The following TUBD1 variants were observed in gnomAD, a reference collection of about 807,000 sequenced individuals.
The protein encoded by TUBD1 is tubulin delta 1.
Under a neutral mutation model 51.2 loss-of-function variants are expected in TUBD1, and 38 were observed. That is an observed-to-expected ratio of 0.74 (90% confidence interval 0.57 to 0.97). TUBD1 has a LOEUF of 0.97. Among genes scored for constraint, TUBD1 ranks in the 50% least tolerant of loss-of-function variants. TUBD1 has a pLI of 0.00. For missense variants in TUBD1, 489 were observed against 538.4 expected, an observed-to-expected ratio of 0.91 and a Z score of 0.91; for synonymous variants, 169 against 178.2, an observed-to-expected ratio of 0.95 and a Z score of 0.41.
rs1199633739 is a variant in TUBD1, at chr17:59,859,954, A to G, written c.*368T>C. The stretch of plus-strand genomic sequence containing the variant: ...TTTCTTCCTTTTCTGTGGGCATAGT[A>G]TGCAGAATAGACTCAGCATTCTACG... On this transcript the variant is annotated 3_prime_UTR_variant, in exon 9 of 9. Coordinates refer to ENST00000325752, the MANE Select transcript of TUBD1 (RefSeq NM_016261.4). The G allele has an allele frequency of 6.5e-6, 1 of 154,564 alleles. No homozygotes were observed. The highest frequency in any genetic ancestry group is 1.9e-4 in the East Asian group (1 of 5,364). The allele number at this position is 154,564 out of a possible 1,614,324, so 9.6% of individuals were successfully genotyped here. A position where few individuals can be genotyped will look rare whatever the true frequency, so the allele number is the denominator to read the frequency against.
chr17:59,874,402 T>A (rs2040133605), intron 6 of TUBD1, 137 bp downstream of exon 6: 1 of 732,874 alleles, frequency 1.4e-6, no homozygotes, highest in Non-Finnish European at 2.2e-6. Flanking sequence ...TAAGATGTCC[T>A]GGTGAGTTTC....
At chr17:59,882,489 G>C (rs1263642928) in intron 3 of TUBD1, among the ~76,000 whole-genome samples, 1 of 152,032 alleles carries the variant, frequency 6.6e-6, no homozygotes, top group Admixed American at 6.6e-5. Flanking sequence ...GTTTCACCAT[G>C]TTGGCCAGGC....
intron 3 of TUBD1, chr17:59,885,605 A>G: frequency 1.0e-6 from 1 of 980,344 alleles, no homozygotes; most frequent in Admixed American, 2.0e-5. Flanking sequence ...CCTCATTCCT[A>G]GAAATTTAAC....
At chr17:59,872,567 AAAG>A (rs2040028744) in intron 6 of TUBD1, among the ~76,000 whole-genome samples, 1 of 152,162 alleles carries the variant, frequency 6.6e-6, no homozygotes, top group African/African-American at 2.4e-5. Context: ...TTAGATAGCA[AAAG>A]TAGTACAAAC....
intron 8 of TUBD1, among the ~76,000 whole-genome samples, chr17:59,863,064 A>G (rs1047175735): frequency 1.3e-5 from 2 of 152,096 alleles, no homozygotes; most frequent in South Asian, 2.1e-4. Context: ...TCCCTGCTTC[A>G]TAATAAAATT....
Position 59,860,309 on chromosome 17 carries a change from C to T in TUBD1, c.*13G>A, listed in dbSNP as rs1351636094. On this transcript the variant is annotated 3_prime_UTR_variant, in exon 9 of 9. Coordinates refer to ENST00000325752, the MANE Select transcript of TUBD1 (RefSeq NM_016261.4). ...AGAAATGCCTTAAGGTATACTTTTC[C>T]CATTGTTCAAGATCAGAGATTACAG... The T allele has an allele frequency of 6.4e-7, 1 of 1,557,992 alleles. No individual in the cohort carries two copies. The highest frequency in any genetic ancestry group is 1.4e-5 in the African/African-American group (1 of 72,942).
chr17:59,885,531 G>A (rs1353028700), intron 3 of TUBD1: 2 of 1,544,632 alleles, frequency 1.3e-6, no homozygotes, highest in South Asian at 1.1e-5. Flanking sequence ...AAGAACCTGA[G>A]TCGGTGGTTC....
At chr17:59,876,242 G>A (rs760756195) in intron 5 of TUBD1, among the ~76,000 whole-genome samples, 4 of 151,518 alleles carry the variant, frequency 2.6e-5, no homozygotes, top group Non-Finnish European at 4.4e-5. Flanking sequence ...GTGCAGTGGC[G>A]CAATCAAAGC....
At position 59,860,444 on chromosome 17, in the gene TUBD1, A is replaced by AC. The variant is rs1568269846; in HGVS notation, c.1260-21_1260-20insG. On this transcript the variant is annotated intron_variant, in intron 8 of 8. Transcript: ENST00000325752. ...TAGGCTCTGGTAGAAAAAAAAAAAAAACAGAAATTACAAAATAAAAAATGT... is the reference window on the plus strand; with the variant it reads ...TAGGCTCTGGTAGAAAAAAAAAAAAACACAGAAATTACAAAATAAAAAATGT... The AC allele has an allele frequency of 2.2e-5, 32 of 1,479,026 alleles. No homozygotes were observed. In the East Asian group the frequency reaches 2.5e-4, roughly 11 times the overall value. The allele number at this position is 1,479,026 out of a possible 1,614,324, so 91.6% of individuals were successfully genotyped here.
intron 6 of TUBD1, among the ~76,000 whole-genome samples, chr17:59,873,390 C>T (rs979854326): frequency 6.6e-6 from 1 of 152,010 alleles, no homozygotes; most frequent in Non-Finnish European, 1.5e-5. Context: ...GCTGGGAATA[C>T]AGGCCCATGT....
chr17:59,864,020 T>G (rs1043971320), intron 7 of TUBD1, among the ~76,000 whole-genome samples, 173 bp from the exon 8 acceptor site: 7 of 151,578 alleles, frequency 4.6e-5, no homozygotes, highest in Admixed American at 4.6e-4. Flanking sequence ...GGAGGGTAGA[T>G]TGCTCGAGCC....
chr17:59,880,119 G>A (rs979062621), intron 4 of TUBD1, among the ~76,000 whole-genome samples: 9 of 151,348 alleles, frequency 5.9e-5, no homozygotes, highest in Admixed American at 4.0e-4. Context: ...GTGCAGTGGC[G>A]GGATATCAGC....
intron 6 of TUBD1, among the ~76,000 whole-genome samples, chr17:59,868,846 T>A (rs941983428): frequency 2.0e-5 from 3 of 149,066 alleles, no homozygotes; most frequent in Admixed American, 6.7e-5. Flanking sequence ...AAAAAATAAA[T>A]AAATAAATAA....
At chr17:59,862,284 T>C (rs1215262961) in intron 8 of TUBD1, among the ~76,000 whole-genome samples, 2 of 150,194 alleles carry the variant, frequency 1.3e-5, no homozygotes, top group East Asian at 4.1e-4. Flanking sequence ...GATCATGCCA[T>C]TGCACTCCAG....
chr17:59,861,888 A>G (rs545202690), intron 8 of TUBD1, among the ~76,000 whole-genome samples: 3 of 150,954 alleles, frequency 2.0e-5, no homozygotes, highest in Admixed American at 1.3e-4. Context: ...GGCTGGTCTC[A>G]AACTCCTGAT....
intron 5 of TUBD1, among the ~76,000 whole-genome samples, chr17:59,876,983 C>T (rs1229565864): frequency 6.6e-6 from 1 of 151,908 alleles, no homozygotes; most frequent in Non-Finnish European, 1.5e-5. Context: ...TGCCTGTCTT[C>T]TGAGTAGCTG....
At chr17:59,864,547 G>A (rs1365686049) in intron 7 of TUBD1, among the ~76,000 whole-genome samples, 2 of 152,054 alleles carry the variant, frequency 1.3e-5, no homozygotes, top group Non-Finnish European at 2.9e-5. Context: ...CTGTCACCAG[G>A]CTGGTGTGCA....
intron 7 of TUBD1, among the ~76,000 whole-genome samples, 179 bp from the exon 8 acceptor site, chr17:59,864,026 G>C (rs775669334): frequency 6.6e-6 from 1 of 151,574 alleles, no homozygotes; most frequent in Non-Finnish European, 1.5e-5. Context: ...TAGATTGCTC[G>C]AGCCCAGGAG....
intron 3 of TUBD1, 79 bp downstream of exon 3, chr17:59,886,004 T>C: frequency 6.8e-7 from 1 of 1,464,346 alleles, no homozygotes; most frequent in Non-Finnish European, 9.4e-7. Flanking sequence ...GTATATCAAC[T>C]ATACAGTTCT....
Sources: allele counts gnomAD v4.1 joint callset (sites outside exome capture counted in the v4.1 genomes callset), GRCh38; gene constraint gnomAD v4.1.1; transcripts MANE v1.5; gene names NCBI Gene and HGNC (gene_info 2026-07-23, HGNC 2026-07-21).